The following DACH1 variants were observed in gnomAD, a reference collection of about 807,000 sequenced individuals.
DACH1 encodes the protein dachshund family transcription factor 1.
In DACH1, 12 loss-of-function variants were observed where a neutral mutation model predicts 54.2. The observed-to-expected ratio is 0.22, with a 90% CI of 0.14 to 0.36. DACH1 has a LOEUF of 0.36. DACH1 is among the 10% of genes least tolerant of loss of function. The pLI is 1.00. For missense variants in DACH1, 805 were observed against 929.8 expected, an observed-to-expected ratio of 0.87 and a Z score of 1.75; for synonymous variants, 386 against 366.2, an observed-to-expected ratio of 1.05 and a Z score of -0.62.
intron 1 of DACH1, among the ~76,000 whole-genome samples, chr13:71,692,506 CTTTTTTTTTTTTT>C (rs398023338): frequency 8.6e-4 from 38 of 44,426 alleles, no homozygotes; most frequent in Admixed American, 2.6e-3. Flanking sequence ...CTTTTCTTTC[CTTTTTTTTTTTTT>C]TTTTTTTTTT....
At chr13:71,769,022 T>C (rs1008216302) in intron 1 of DACH1, among the ~76,000 whole-genome samples, 1 of 151,834 alleles carries the variant, frequency 6.6e-6, no homozygotes, top group African/African-American at 2.4e-5. Flanking sequence ...GCATTAAACA[T>C]AGCAGTTCTC....
At chr13:71,641,773 G>A (rs576513507) in intron 2 of DACH1, among the ~76,000 whole-genome samples, 1 of 152,190 alleles carries the variant, frequency 6.6e-6, no homozygotes, top group South Asian at 2.1e-4. Flanking sequence ...TTAATTCTTT[G>A]AGTGTGACTT....
At chr13:71,786,398 C>G (rs1453352195) in intron 1 of DACH1, among the ~76,000 whole-genome samples, 1 of 152,124 alleles carries the variant, frequency 6.6e-6, no homozygotes, top group Non-Finnish European at 1.5e-5. Context: ...ATGGCGGCCA[C>G]AGCTTCATAG....
At chr13:71,705,421 G>A (rs2216138) in intron 1 of DACH1, among the ~76,000 whole-genome samples, 27,670 of 152,194 alleles carry the variant, frequency 0.18, 6,122 homozygotes, top group African/African-American at 0.53. Context: ...TAACAAACCT[G>A]TCTGCAAATG....
intron 2 of DACH1, among the ~76,000 whole-genome samples, chr13:71,644,472 C>G (rs1042771007): frequency 6.6e-6 from 1 of 152,170 alleles, no homozygotes; most frequent in African/African-American, 2.4e-5. Context: ...AATTCCACTT[C>G]CACGCCACAG....
intron 1 of DACH1, among the ~76,000 whole-genome samples, chr13:71,748,898 CTCTTTCTTTCTTTCTTTCTTTCTTTCTT>C (rs796904876): frequency 5.1e-5 from 2 of 39,584 alleles, no homozygotes; most frequent in African/African-American, 7.8e-5. Flanking sequence ...TTCTTTCTTT[CTCTTTCTTTCTTTCTTTCTTTCTTTCTT>C]TCTTTCTTTC....
intron 1 of DACH1, among the ~76,000 whole-genome samples, chr13:71,803,505 AT>A (rs1887369926): frequency 6.6e-6 from 1 of 152,128 alleles, no homozygotes; most frequent in African/African-American, 2.4e-5. Context: ...ATGATTGTAA[AT>A]TTGCAAATTT....
chr13:71,808,521 G>A (rs1274939129), intron 1 of DACH1, among the ~76,000 whole-genome samples: 1 of 152,088 alleles, frequency 6.6e-6, no homozygotes, highest in East Asian at 1.9e-4. Context: ...CATCTTTGGA[G>A]GCACTAATGT....
At chr13:71,589,350 A>G (rs1593945057) in intron 3 of DACH1, among the ~76,000 whole-genome samples, 1 of 152,118 alleles carries the variant, frequency 6.6e-6, no homozygotes, top group East Asian at 1.9e-4. Flanking sequence ...CCTAAAACTG[A>G]TTAAGAAAAG....
intron 3 of DACH1, among the ~76,000 whole-genome samples, chr13:71,580,904 G>A (rs955010394): frequency 4.0e-5 from 6 of 151,898 alleles, no homozygotes; most frequent in African/African-American, 1.2e-4. Flanking sequence ...TCAAATTTAG[G>A]ACCACTACTT....
intron 3 of DACH1, among the ~76,000 whole-genome samples, chr13:71,596,033 A>G (rs2138476125): frequency 6.6e-6 from 1 of 152,258 alleles, no homozygotes; most frequent in East Asian, 1.9e-4. Flanking sequence ...GTCCCATACT[A>G]AACTCCTACT....
At chr13:71,619,784 AG>A (rs991420765) in intron 3 of DACH1, among the ~76,000 whole-genome samples, 2 of 151,976 alleles carry the variant, frequency 1.3e-5, no homozygotes, top group African/African-American at 4.8e-5. Context: ...GTAATTGCTA[AG>A]GTCATATATT....
intron 6 of DACH1, among the ~76,000 whole-genome samples, chr13:71,543,705 T>C (rs1883285185): frequency 1.3e-5 from 2 of 152,124 alleles, no homozygotes; most frequent in East Asian, 3.9e-4. Flanking sequence ...GGGACAATAC[T>C]GATATGGAGA....
intron 6 of DACH1, among the ~76,000 whole-genome samples, chr13:71,555,702 A>T (rs1884201611): frequency 1.3e-5 from 2 of 152,150 alleles, no homozygotes; most frequent in Non-Finnish European, 2.9e-5. Flanking sequence ...TCAAAAGTAT[A>T]GGTCAAAATA....
chr13:71,719,493 A>AT (rs566690428), intron 1 of DACH1, among the ~76,000 whole-genome samples: 17 of 152,188 alleles, frequency 1.1e-4, no homozygotes, highest in African/African-American at 4.1e-4. Context: ...ATAGACATAG[A>AT]TTTTTTTCTA....
chr13:71,611,718 G>T (rs577469527), intron 3 of DACH1, among the ~76,000 whole-genome samples: 1 of 151,828 alleles, frequency 6.6e-6, no homozygotes, highest in African/African-American at 2.4e-5. Flanking sequence ...TGCTTTTTTC[G>T]TAGTCAACTT....
At chr13:71,623,993 A>C (rs547156606) in intron 3 of DACH1, among the ~76,000 whole-genome samples, 2 of 152,054 alleles carry the variant, frequency 1.3e-5, no homozygotes, top group African/African-American at 4.8e-5. Flanking sequence ...AGTGAAGTGC[A>C]CATACTGTTT....
Position 71,865,836 on chromosome 13 carries a change from C to A in DACH1, c.848+86G>T, listed in dbSNP as rs931271354. 11 of 1,346,358 alleles carry A rather than the reference C, an allele frequency of 8.2e-6. No homozygotes were observed. In the East Asian group the frequency reaches 1.5e-4, roughly 19 times the overall value. 83.4% of individuals were successfully genotyped at this position (1,346,358 alleles called of 1,614,324 possible). On this transcript the variant is annotated intron_variant, in intron 1 of 10. Transcript: ENST00000613252. ...GCGCGCGGCTCGCGGGCGCGCAGAG[C>A]GAGCGGCGCCGGGAAAGGAGCGAGG...
intron 1 of DACH1, among the ~76,000 whole-genome samples, chr13:71,856,788 A>G (rs1874031989): frequency 6.6e-6 from 1 of 151,886 alleles, no homozygotes; most frequent in African/African-American, 2.4e-5. Flanking sequence ...ATTGATTTCA[A>G]TTTAACTGGA....
Sources: allele counts gnomAD v4.1 joint callset (sites outside exome capture counted in the v4.1 genomes callset), GRCh38; gene constraint gnomAD v4.1.1; transcripts MANE v1.5; gene names NCBI Gene and HGNC (gene_info 2026-07-23, HGNC 2026-07-21).